Variants in SYNPR observed in about 807,000 individuals in gnomAD.
SYNPR encodes the protein synaptoporin.
Under a neutral mutation model 32.9 loss-of-function variants are expected in SYNPR, and 23 were observed. That is an observed-to-expected ratio of 0.70 (90% CI 0.50 to 0.99). SYNPR has a LOEUF of 0.99. SYNPR is among the 50% of genes least tolerant of loss of function. SYNPR has a pLI of 0.00. For synonymous variants in SYNPR, 146 were observed against 135.9 expected (o/e 1.07, Z -0.52); for missense variants, 318 against 349.3 (o/e 0.91, Z 0.71).
chr3:63,414,453 A>G (rs979667746), intron 2 of SYNPR, among the ~76,000 whole-genome samples: 7 of 152,222 alleles, frequency 4.6e-5, no homozygotes, highest in African/African-American at 1.7e-4. Context: ...AAATGGGCCA[A>G]GTGTCTTCTT....
At chr3:63,482,358 T>A (rs1448312996) in intron 3 of SYNPR, among the ~76,000 whole-genome samples, 1 of 152,156 alleles carries the variant, frequency 6.6e-6, no homozygotes, top group Non-Finnish European at 1.5e-5. Context: ...CATTATATTT[T>A]TTAGTAGCAC....
At chr3:63,524,811 G>A (rs6802712) in intron 3 of SYNPR, among the ~76,000 whole-genome samples, 17,776 of 150,646 alleles carry the variant, frequency 0.12, 1,187 homozygotes, top group Middle Eastern at 0.23. Flanking sequence ...AGTTCAAAAT[G>A]CATCATAATA....
intron 2 of SYNPR, among the ~76,000 whole-genome samples, chr3:63,284,187 A>T (rs559368173): frequency 2.6e-5 from 4 of 152,316 alleles, no homozygotes; most frequent in African/African-American, 9.6e-5. Context: ...CTTCTAAAAA[A>T]TGATGTTAGT....
intron 3 of SYNPR, among the ~76,000 whole-genome samples, chr3:63,483,723 G>A (rs772404819): frequency 2.0e-4 from 31 of 152,228 alleles, no homozygotes; most frequent in Non-Finnish European, 4.6e-4. Flanking sequence ...AATTCCAAAT[G>A]GATTGAAGTA....
At chr3:63,450,533 G>C (rs928095102) in intron 2 of SYNPR, among the ~76,000 whole-genome samples, 11 of 152,138 alleles carry the variant, frequency 7.2e-5, no homozygotes, top group African/African-American at 2.7e-4. Flanking sequence ...TATGGATCTG[G>C]CTCAAATCAG....
chr3:63,496,422 C>T (rs1701374873), intron 3 of SYNPR, among the ~76,000 whole-genome samples: 1 of 151,974 alleles, frequency 6.6e-6, no homozygotes, highest in Non-Finnish European at 1.5e-5. Flanking sequence ...GTTTATGATG[C>T]CAGTTACCTA....
chr3:63,574,951 C>T (rs1021689170), intron 4 of SYNPR, among the ~76,000 whole-genome samples: 1 of 151,968 alleles, frequency 6.6e-6, no homozygotes, highest in African/African-American at 2.4e-5. Flanking sequence ...TGTGGGCGAG[C>T]ACTTTCAAAT....
At chr3:63,284,882 C>T (rs561111486) in intron 2 of SYNPR, among the ~76,000 whole-genome samples, 2 of 152,274 alleles carry the variant, frequency 1.3e-5, no homozygotes, top group South Asian at 4.1e-4. Context: ...TTTCTTACAT[C>T]ATTGTGTTGA....
chr3:63,393,393 T>C (rs761621915), intron 2 of SYNPR, among the ~76,000 whole-genome samples: 14 of 152,268 alleles, frequency 9.2e-5, no homozygotes, highest in Non-Finnish European at 1.9e-4. Flanking sequence ...TGTATTCTTT[T>C]CATTAGTGTT....
chr3:63,271,145 T>C (rs1267212052), intron 3 of SYNPR, among the ~76,000 whole-genome samples: 2 of 152,152 alleles, frequency 1.3e-5, no homozygotes, highest in Admixed American at 6.6e-5. Context: ...TTCTGAGTAC[T>C]ATTTGCCAAG....
In SYNPR at chr3:63,456,194, C is replaced by A. The variant is rs116149713; in HGVS notation, c.85-24638C>A. Reference sequence around the variant, plus strand: ...ATTACTTCCCACTGGGTCCTTCCCACAGCTTGTGGGAATTCAAGATGAGAT... The same window carrying A: ...ATTACTTCCCACTGGGTCCTTCCCAAAGCTTGTGGGAATTCAAGATGAGAT... On this transcript the variant is annotated intron_variant, in intron 2 of 5. Transcript: ENST00000478300. Among the ~76,000 whole-genome samples the A allele has an allele frequency of 3.2e-3, 486 of 152,220 alleles. 2 individuals are homozygous for A. Among genetic ancestry groups the A allele is most frequent in the African/African-American group, 0.011 (457 of 41,550 alleles).
intron 1 of SYNPR, among the ~76,000 whole-genome samples, chr3:63,245,680 TGAGAGAGAGAGA>T (rs71992869): frequency 9.7e-5 from 12 of 123,376 alleles, no homozygotes; most frequent in African/African-American, 1.2e-4. Context: ...CTTTGTCAAG[TGAGAGAGAGAGA>T]GAGAGAGAGA....
the SYNPR span, among the ~76,000 whole-genome samples, chr3:63,202,734 CTCTT>C: frequency 1.9e-4 from 29 of 152,242 alleles, no homozygotes; most frequent in African/African-American, 6.7e-4. Flanking sequence ...TGGAGCTATG[CTCTT>C]TCTTTATCGC....
chr3:63,577,392 G>A (rs921288578), intron 4 of SYNPR, among the ~76,000 whole-genome samples: 1 of 152,116 alleles, frequency 6.6e-6, no homozygotes, highest in Non-Finnish European at 1.5e-5. Context: ...AGACCCACAT[G>A]GAGAGGAAAG....
intron 2 of SYNPR, among the ~76,000 whole-genome samples, chr3:63,281,113 TAGG>T (rs1296093483): frequency 6.6e-6 from 1 of 152,144 alleles, no homozygotes; most frequent in African/African-American, 2.4e-5. Flanking sequence ...TCTTTTTCTG[TAGG>T]AGATATTGAC....
intron 4 of SYNPR, among the ~76,000 whole-genome samples, chr3:63,578,488 C>T (rs1559541576): frequency 6.6e-6 from 1 of 151,938 alleles, no homozygotes; most frequent in Non-Finnish European, 1.5e-5. Context: ...CTGAAATTCT[C>T]GTGAGGGATA....
intron 2 of SYNPR, among the ~76,000 whole-genome samples, chr3:63,344,047 G>A (rs916736335): frequency 5.9e-5 from 9 of 152,164 alleles, no homozygotes; most frequent in Admixed American, 5.2e-4. Context: ...GTTCAGAGGC[G>A]GTTCATTTGC....
intron 3 of SYNPR, among the ~76,000 whole-genome samples, chr3:63,268,035 T>C (rs1386136160): frequency 1.3e-5 from 2 of 152,228 alleles, no homozygotes; most frequent in Non-Finnish European, 2.9e-5. Flanking sequence ...CACTTGAATA[T>C]TCATTGTTTC....
chr3:63,540,380 G>C (rs193100795), intron 3 of SYNPR, among the ~76,000 whole-genome samples: 171 of 152,194 alleles, frequency 1.1e-3, no homozygotes, highest in Non-Finnish European at 1.8e-3. Flanking sequence ...TAGAGCCATG[G>C]TCTAAGCAAC....
Sources: gnomAD v4.1 joint callset for allele counts (sites outside exome capture counted in the v4.1 genomes callset) on GRCh38, gnomAD v4.1.1 for gene constraint, MANE v1.5 for transcripts, NCBI Gene and HGNC (gene_info 2026-07-23, HGNC 2026-07-21) for gene names.